Variants in UBE2T observed in about 807,000 individuals in gnomAD.
UBE2T encodes ubiquitin conjugating enzyme E2 T.
A neutral mutation model predicts 23.3 loss-of-function variants in UBE2T; 15 were observed. That is an observed-to-expected ratio of 0.64 (90% confidence interval 0.43 to 0.99). The LOEUF (loss-of-function observed/expected upper bound fraction) is 0.99. Among genes scored for constraint, UBE2T ranks in the 50% least tolerant of loss-of-function variants. The probability of loss-of-function intolerance (pLI) is 0.00; values close to 1 mark genes in which losing one functional copy is unlikely to be tolerated. For missense variants in UBE2T, 197 were observed against 234.9 expected, an observed-to-expected ratio of 0.84 and a Z score of 1.05; for synonymous variants, 67 against 78.4, an observed-to-expected ratio of 0.85 and a Z score of 0.77.
In UBE2T at chr1:202,331,897, T is replaced by C. The variant is rs1389084401; in HGVS notation, c.532A>G (p.Thr178Ala). The C allele has an allele frequency of 6.2e-7, 1 of 1,614,174 alleles. No individual in the cohort carries two copies. The highest frequency in any genetic ancestry group is 2.2e-5 in the East Asian group (1 of 44,868). Residue 178 changes from threonine to alanine, a missense_variant, in exon 7 of 7, where the codon ACA (threonine) becomes GCA (alanine). By Grantham distance (58) the Thr-to-Ala change is moderately conservative. Transcript: ENST00000646651. The part of the protein sequence containing the change: ...EAGDSRVHNS[T>A]QKRKASQLVG... ...AGCTGACTGGCCTTCCTTTTCTGTG[T>C]TGAGTTGTGTACTCTGGAGTCACCA...
At chr1:202,341,731 C>G (rs559788825) in intron 1 of UBE2T, among the ~76,000 whole-genome samples, 164 bp downstream of exon 1, 2 of 152,172 alleles carry the variant, frequency 1.3e-5, no homozygotes, top group South Asian at 4.2e-4. Context: ...TGCAAAGATA[C>G]GGTGAGACCC....
chr1:202,340,405 T>C (rs1016143059), intron 1 of UBE2T, among the ~76,000 whole-genome samples: 4 of 151,016 alleles, frequency 2.6e-5, no homozygotes, highest in African/African-American at 7.3e-5. Flanking sequence ...TCCCAGCTAC[T>C]TGGAAGGCTG....
At position 202,333,051 on chromosome 1, in the gene UBE2T, C is replaced by T. The variant is rs1229178531; in HGVS notation, c.427G>A (p.Ala143Thr). ...KYNKPAFLKNARQWTEKHARQ... is the reference protein window; with the variant it reads ...KYNKPAFLKNTRQWTEKHARQ... ...GCATGCTTCTCTGTCCACTGTCTGGCATTCTTGAGGAAGGCTGGCTTATTA... is the reference window on the plus strand; with the variant it reads ...GCATGCTTCTCTGTCCACTGTCTGGTATTCTTGAGGAAGGCTGGCTTATTA... Residue 143 changes from alanine (A) to threonine (T), a missense_variant, in exon 6 of 7, where the codon GCC becomes ACC. Ala to Thr is a moderately conservative substitution (Grantham distance 58). Transcript: ENST00000646651. 1.2e-6 allele frequency: 2 copies of T among 1,612,836 alleles called. No homozygotes were observed. Among genetic ancestry groups the T allele is most frequent in the East Asian group, 2.2e-5 (1 of 44,834 alleles).
rs554272777 is a variant in UBE2T at position 202,341,318 on chromosome 1, C to G, written c.-65+577G>C. Among the ~76,000 whole-genome samples, 16 of 152,120 alleles carry G rather than the reference C, an allele frequency of 1.1e-4. No individual in the cohort carries two copies. The South Asian group carries it at 3.3e-3, about 32-fold the overall frequency. ...AACAGGCCGGGCGCGGTGGCTCACG[C>G]CTGTAATCCCAGCACTTTGGGAGGC... On this transcript the variant is annotated intron_variant, in intron 1 of 6. Coordinates refer to ENST00000646651, the MANE Select transcript of UBE2T (RefSeq NM_014176.4).
At chr1:202,332,003 T>C in intron 6 of UBE2T, 43 bp from the exon 7 acceptor site, 1 of 1,596,772 alleles carries the variant, frequency 6.3e-7, no homozygotes, top group Non-Finnish European at 8.5e-7. Flanking sequence ...TTCACACAAA[T>C]GCCAGGATGG....
chr1:202,337,062 C>T (rs763020442), intron 1 of UBE2T, among the ~76,000 whole-genome samples: 1 of 152,186 alleles, frequency 6.6e-6, no homozygotes, highest in Non-Finnish European at 1.5e-5. Context: ...TCTGCCTCAG[C>T]CTCCCGAGCA....
At chr1:202,338,735 T>G (rs2030973) in intron 1 of UBE2T, among the ~76,000 whole-genome samples, 1 of 151,912 alleles carries the variant, frequency 6.6e-6, no homozygotes, top group Non-Finnish European at 1.5e-5. Context: ...GGGCCAAGCA[T>G]GCTGGCATGA....
In UBE2T at chr1:202,333,098, G is replaced by A. The variant is rs1472004786; in HGVS notation, c.385-5C>T. ...ATTATATTTAAATTCTGAGGACTGA[G>A]ATGAAATCAAAGAAAAGAGTTAATG... On this transcript the variant is annotated splice_polypyrimidine_tract_variant and splice_region_variant and intron_variant, in intron 5 of 6. Transcript: ENST00000646651. 6.2e-7 allele frequency: 1 copy of A among 1,612,938 alleles called. No individual in the cohort carries two copies. Among genetic ancestry groups the A allele is most frequent in the African/African-American group, 1.3e-5 (1 of 74,826 alleles).
chr1:202,334,915 T>G (rs1353083935), intron 3 of UBE2T, 74 bp downstream of exon 3: 1 of 1,387,496 alleles, frequency 7.2e-7, no homozygotes, highest in African/African-American at 1.4e-5. Context: ...TTATGCTCTA[T>G]CTACTACATT....
chr1:202,341,577 C>CAAAAAAAAAAAAAAAAA (rs57598991), intron 1 of UBE2T, among the ~76,000 whole-genome samples: 1 of 20,302 alleles, frequency 4.9e-5, no homozygotes, highest in Non-Finnish European at 7.7e-5. Flanking sequence ...GACTCCGTCT[C>CAAAAAAAAAAAAAAAAA]AAAAAAAAAA....
chr1:202,331,887 CTT>C lies in UBE2T; in HGVS notation c.540_541del (p.Arg181GlufsTer15). The C allele has an allele frequency of 1.2e-6, 2 of 1,614,122 alleles. No homozygotes were observed. Among genetic ancestry groups the C allele is most frequent in the Non-Finnish European group, 1.7e-6 (2 of 1,180,008 alleles). The stretch of plus-strand genomic sequence containing the variant: ...TATGCCTACTAGCTGACTGGCCTTC[CTT>C]TTCTGTGTTGAGTTGTGTACTCTGG... On this transcript the variant is annotated frameshift_variant, in exon 7 of 7. Coordinates refer to ENST00000646651, the MANE Select transcript of UBE2T (RefSeq NM_014176.4). LOFTEE classifies it high-confidence loss of function.
intron 1 of UBE2T, among the ~76,000 whole-genome samples, chr1:202,336,350 T>TAGCTGGAAG (rs1654884358): frequency 6.6e-6 from 1 of 151,690 alleles, no homozygotes; most frequent in Admixed American, 6.6e-5. Flanking sequence ...GCCGCCTATG[T>TAGCTGGAAG]AGCTGGAAGT....
At position 202,331,786 on chromosome 1, in the gene UBE2T, A is replaced by G; in HGVS notation, c.*49T>C. ...AAAAAATTCAAGGTAGGCAACTTAG[A>G]TCACCTTGGCAAAGAACACATTAAC... is the stretch of plus-strand genomic sequence containing the variant. On this transcript the variant is annotated 3_prime_UTR_variant, in exon 7 of 7. Transcript: ENST00000646651. 6.2e-7 allele frequency: 1 copy of G among 1,601,868 alleles called. No individual in the cohort carries two copies. The highest frequency in any genetic ancestry group is 1.3e-5 in the African/African-American group (1 of 74,416).
At chr1:202,339,777 C>T (rs1406842326) in intron 1 of UBE2T, among the ~76,000 whole-genome samples, 1 of 152,128 alleles carries the variant, frequency 6.6e-6, no homozygotes, top group Admixed American at 6.6e-5. Flanking sequence ...CGGTGGCTCA[C>T]ACCTGTAATT....
chr1:202,335,056 T>C lies in UBE2T; in HGVS notation c.112A>G (p.Ile38Val). The C allele has an allele frequency of 1.2e-6, 2 of 1,608,660 alleles. No individual in the cohort carries two copies. Among genetic ancestry groups the C allele is most frequent in the Non-Finnish European group, 1.7e-6 (2 of 1,177,176 alleles). The part of the protein sequence containing the change: ...KDQMDDLRAQ[I>V]LGGANTPYEK... ...TAAGGTGTGTTGGCTCCACCTAATA[T>C]TTCTTAAAAGAAAAAAGAAAGAAAA... The change falls in exon 3 of 7, where the codon ATA becomes GTA. Residue 38 changes from isoleucine (I) to valine (V), a missense_variant and splice_region_variant. Transcript: ENST00000646651. This position sits in a 1 kb window ranked among gnomAD's most constrained non-coding sequence, Gnocchi z 4.0.
chr1:202,331,837 A>T lies in UBE2T; in HGVS notation c.592T>A (p.Ter198LysextTer8). ...TAAGATGAACCAGGACAAGTCCCCT[A>T]AACATCAGGATGAAATTTCTTTTCT... ...GIEKKFHPDV[*>K] The change falls in exon 7 of 7, where the codon TAG becomes AAG. Residue 198 changes from the stop codon to lysine, a stop_lost. Transcript: ENST00000646651. 6.2e-7 allele frequency: 1 copy of T among 1,614,110 alleles called. No individual in the cohort carries two copies. Among genetic ancestry groups the T allele is most frequent in the Non-Finnish European group, 8.5e-7 (1 of 1,179,998 alleles).
intron 1 of UBE2T, among the ~76,000 whole-genome samples, chr1:202,341,216 TG>T (rs1654993963): frequency 6.6e-6 from 1 of 152,184 alleles, no homozygotes; most frequent in African/African-American, 2.4e-5. Context: ...AGTCTTTTTT[TG>T]TATCAAGTCT....
intron 1 of UBE2T, among the ~76,000 whole-genome samples, chr1:202,340,565 C>T (rs1654980097): frequency 6.6e-6 from 1 of 151,688 alleles, no homozygotes; most frequent in Non-Finnish European, 1.5e-5. Flanking sequence ...AGGATATCCC[C>T]ATCTCTTAAA....
intron 1 of UBE2T, among the ~76,000 whole-genome samples, chr1:202,340,528 GA>G (rs1363913707): frequency 6.7e-6 from 1 of 149,478 alleles, no homozygotes; most frequent in Non-Finnish European, 1.5e-5. Context: ...AAAAAAAAAA[GA>G]AAAAAAGAAC....
Sources: allele counts gnomAD v4.1 joint callset (sites outside exome capture counted in the v4.1 genomes callset), GRCh38; gene constraint gnomAD v4.1.1; non-coding constraint Gnocchi (gnomAD v3.1); transcripts MANE v1.5; gene names NCBI Gene and HGNC (gene_info 2026-07-23, HGNC 2026-07-21).